The following CPS1 variants were observed in gnomAD, a reference collection of about 807,000 sequenced individuals.
The protein encoded by CPS1 is carbamoyl-phosphate synthase 1.
Under a neutral mutation model 174.6 loss-of-function variants are expected in CPS1, and 109 were observed. The ratio of observed to expected loss-of-function variants is 0.62; its 90% CI spans 0.53 to 0.73. The LOEUF (loss-of-function observed/expected upper bound fraction) is 0.73, where lower values mean the gene tolerates loss of function less well. Ranked by LOEUF, CPS1 falls within the 30% of genes least tolerant of loss-of-function variation. The pLI, the probability that CPS1 is intolerant of heterozygous loss-of-function variation, is 0.00. For missense variants in CPS1, 1,689 were observed against 1,821.9 expected (o/e 0.93, Z 1.33); for synonymous variants, 637 against 632.0 (o/e 1.01, Z -0.12).
intron 7 of CPS1, 89 bp from the exon 8 acceptor site, chr2:210,590,017 G>A: frequency 6.5e-7 from 1 of 1,543,690 alleles, no homozygotes; most frequent in Non-Finnish European, 8.9e-7. Flanking sequence ...TCCCTTTAAG[G>A]AATGGTTAGT....
At chr2:210,644,301 A>T (rs900274609) in intron 25 of CPS1, among the ~76,000 whole-genome samples, 13 of 152,068 alleles carry the variant, frequency 8.5e-5, no homozygotes, top group African/African-American at 3.1e-4. Flanking sequence ...GTACATATGT[A>T]AATGTAGACA....
chr2:210,503,081 G>C (rs999397560), intron 1 of CPS1, among the ~76,000 whole-genome samples: 7 of 152,152 alleles, frequency 4.6e-5, no homozygotes, highest in Non-Finnish European at 8.8e-5. Context: ...CTCCAGCACT[G>C]ACATCCTGTG....
At chr2:210,595,111 C>A (rs1698443388) in intron 12 of CPS1, among the ~76,000 whole-genome samples, 1 of 151,604 alleles carries the variant, frequency 6.6e-6, no homozygotes, top group African/African-American at 2.4e-5. Flanking sequence ...TACCCATTTC[C>A]TTCATAAACT....
At chr2:210,510,204 G>A (rs1468516293) in intron 1 of CPS1, among the ~76,000 whole-genome samples, 1 of 152,124 alleles carries the variant, frequency 6.6e-6, no homozygotes, top group Non-Finnish European at 1.5e-5. Flanking sequence ...ACAGAACAGA[G>A]CCCTCAGAAA....
At chr2:210,494,731 T>G (rs557367520) in intron 1 of CPS1, among the ~76,000 whole-genome samples, 133 of 152,350 alleles carry the variant, frequency 8.7e-4, no homozygotes, top group African/African-American at 3.2e-3. Context: ...GTCTCCTTTT[T>G]GTAGTGAGCT....
chr2:210,659,084 T>A (rs1382107038), intron 31 of CPS1, among the ~76,000 whole-genome samples: 6 of 152,216 alleles, frequency 3.9e-5, no homozygotes, highest in Non-Finnish European at 8.8e-5. Flanking sequence ...AAATGATAAA[T>A]GAACTAGATT....
chr2:210,479,428 A>C (rs958262897), intron 1 of CPS1, among the ~76,000 whole-genome samples: 1 of 150,796 alleles, frequency 6.6e-6, no homozygotes, highest in Admixed American at 6.6e-5. Flanking sequence ...TCCCTGGTTC[A>C]AGCGATTCTC....
chr2:210,533,179 C>T (rs1226226306), intron 1 of CPS1, among the ~76,000 whole-genome samples: 4 of 152,022 alleles, frequency 2.6e-5, no homozygotes, highest in African/African-American at 7.3e-5. Flanking sequence ...ATGGATGAGT[C>T]GTCTGGACTC....
At chr2:210,539,581 A>G (rs563330592) in intron 1 of CPS1, among the ~76,000 whole-genome samples, 3 of 152,194 alleles carry the variant, frequency 2.0e-5, no homozygotes, top group Non-Finnish European at 2.9e-5. Context: ...TGCTTACCCT[A>G]TTCCTCTTCA....
Position 210,590,156 on chromosome 2 carries a change from G to A in CPS1, c.762G>A (p.Met254Ile), listed in dbSNP as rs1439790122. The change falls in exon 8 of 38, where the codon ATG (methionine) becomes ATA (isoleucine). Residue 254 changes from methionine (M) to isoleucine (I), a missense_variant. Physicochemically the swap from Met to Ile is conservative, Grantham distance 10 (BLOSUM62 1). Coordinates refer to ENST00000233072, the MANE Select transcript of CPS1 (RefSeq NM_001875.5). ...LVPWNHDFTK[M>I]EYDGILIAGG... The stretch of plus-strand genomic sequence containing the variant: ...CCTGGAACCATGATTTCACCAAGAT[G>A]GAGTATGATGGGATTTTGATCGCGG... The A allele has an allele frequency of 6.2e-7, 1 of 1,612,796 alleles. No homozygotes were observed. Among genetic ancestry groups the A allele is most frequent in the Non-Finnish European group, 8.5e-7 (1 of 1,179,202 alleles).
chr2:210,540,898 C>T (rs528156484), intron 1 of CPS1, among the ~76,000 whole-genome samples: 9 of 152,146 alleles, frequency 5.9e-5, no homozygotes, highest in African/African-American at 2.2e-4. Context: ...AAATGGAAAA[C>T]GATATCACGA....
At chr2:210,537,959 A>T (rs148394894) in intron 1 of CPS1, among the ~76,000 whole-genome samples, 2 of 152,328 alleles carry the variant, frequency 1.3e-5, no homozygotes, top group Non-Finnish European at 2.9e-5. Context: ...TATACAGATC[A>T]GGTATCATGC....
At chr2:210,659,213 G>A (rs1447141831) in intron 31 of CPS1, among the ~76,000 whole-genome samples, 1 of 152,146 alleles carries the variant, frequency 6.6e-6, no homozygotes, top group Non-Finnish European at 1.5e-5. Context: ...GGTTTACTTG[G>A]CTTATGATTC....
Position 210,612,262 on chromosome 2 carries a change from C to T in CPS1, c.2537C>T (p.Pro846Leu), listed in dbSNP as rs1486364626. 6.2e-7 allele frequency: 1 copy of T among 1,611,974 alleles called. No homozygotes were observed. The highest frequency in any genetic ancestry group is 2.2e-5 in the East Asian group (1 of 44,750). Residue 846 changes from proline to leucine, a missense_variant, in exon 20 of 38, where the codon CCA (proline) becomes CTA (leucine). Pro to Leu is a moderately conservative substitution (Grantham distance 98). Coordinates refer to ENST00000233072, the MANE Select transcript of CPS1 (RefSeq NM_001875.5). ...NLDLRKELSE[P>L]SSTRIYAIAK... ...GATCTTAGAAAAGAGTTGTCTGAAC[C>T]AAGCAGCACGCGTATCTATGCCATT...
chr2:210,648,629 A>G, intron 27 of CPS1, 89 bp downstream of exon 27: 2 of 1,008,450 alleles, frequency 2.0e-6, no homozygotes, highest in African/African-American at 1.6e-5. Context: ...CTAGGGTTCT[A>G]TATGTAGTAA....
intron 29 of CPS1, among the ~76,000 whole-genome samples, chr2:210,654,886 A>G (rs1405132616): frequency 2.0e-5 from 3 of 152,042 alleles, no homozygotes; most frequent in African/African-American, 4.8e-5. Flanking sequence ...AAAAATGGTA[A>G]TGGTATCTAC....
chr2:210,588,213 C>T, intron 7 of CPS1, 66 bp downstream of exon 7: 2 of 1,371,394 alleles, frequency 1.5e-6, no homozygotes, highest in Non-Finnish European at 2.1e-6. Context: ...CAGCTAATTT[C>T]CTCTGTCACA....
intron 1 of CPS1, among the ~76,000 whole-genome samples, chr2:210,517,058 C>G (rs1438324394): frequency 6.6e-6 from 1 of 151,624 alleles, no homozygotes; most frequent in Non-Finnish European, 1.5e-5. Flanking sequence ...TTTCTATATC[C>G]CTATTTTATT....
At chr2:210,625,253 T>C (rs917991360) in intron 21 of CPS1, among the ~76,000 whole-genome samples, 1 of 152,092 alleles carries the variant, frequency 6.6e-6, no homozygotes, top group African/African-American at 2.4e-5. Context: ...GGCTTTGTGC[T>C]AGTTCCAAAG....
Sources: allele counts gnomAD v4.1 joint callset (sites outside exome capture counted in the v4.1 genomes callset), GRCh38; gene constraint gnomAD v4.1.1; transcripts MANE v1.5; gene names NCBI Gene and HGNC (gene_info 2026-07-23, HGNC 2026-07-21).